The following ATP13A4 variants were observed in gnomAD, a reference collection of about 807,000 sequenced individuals.
ATP13A4 encodes ATPase 13A4, also known as probable cation-transporting ATPase 13A4.
Under a neutral mutation model 142.5 loss-of-function variants are expected in ATP13A4, and 114 were observed. That is an observed-to-expected ratio of 0.80 (90% CI 0.69 to 0.93). The LOEUF is 0.93. Among genes scored for constraint, ATP13A4 ranks in the 40% least tolerant of loss-of-function variants. The probability of loss-of-function intolerance (pLI) is 0.00; values close to 1 mark genes in which losing one functional copy is unlikely to be tolerated. For synonymous variants in ATP13A4, 488 were observed against 514.8 expected (o/e 0.95, Z 0.70); for missense variants, 1,392 against 1,454.0 (o/e 0.96, Z 0.69).
chr3:193,457,075 C>T lies in ATP13A4; in HGVS notation c.1840G>A (p.Glu614Lys). ...ALQRMTVIVQ[E>K]MGGDRLAFMK... ...AATGCCAGTCGGTCACCTCCCATCT[C>T]TTGGACAATGACTGTCATTCTTTGC... Residue 614 changes from glutamate (E) to lysine (K), a missense_variant, in exon 16 of 30, where the codon GAG becomes AAG. Glu to Lys is a moderately conservative substitution (Grantham distance 56). Coordinates refer to ENST00000342695, the MANE Select transcript of ATP13A4 (RefSeq NM_032279.4). 1 of 1,614,090 alleles carries T rather than the reference C, an allele frequency of 6.2e-7. No homozygotes were observed. The highest frequency in any genetic ancestry group is 1.1e-5 in the South Asian group (1 of 91,076).
intron 8 of ATP13A4, among the ~76,000 whole-genome samples, chr3:193,480,592 C>A (rs954043527): frequency 6.6e-5 from 10 of 152,154 alleles, no homozygotes; most frequent in African/African-American, 2.2e-4. Context: ...CACCTTACTC[C>A]TGCAAGAACG....
chr3:193,496,354 G>T (rs1042385967), intron 3 of ATP13A4, among the ~76,000 whole-genome samples: 6 of 152,168 alleles, frequency 3.9e-5, no homozygotes, highest in Non-Finnish European at 8.8e-5. Flanking sequence ...AAACAGCATG[G>T]TGCTGGCAGA....
intron 3 of ATP13A4, among the ~76,000 whole-genome samples, chr3:193,493,794 G>A (rs747635101): frequency 3.9e-4 from 59 of 152,048 alleles, no homozygotes; most frequent in Non-Finnish European, 7.5e-4. Context: ...AGATAATGAG[G>A]CTACATAAGT....
intron 11 of ATP13A4, 38 bp from the exon 12 acceptor site, chr3:193,465,166 C>T (rs772272325): frequency 1.2e-6 from 2 of 1,600,376 alleles, no homozygotes; most frequent in Non-Finnish European, 1.7e-6. Context: ...ACAGACAAAT[C>T]TCTGATGAAC....
intron 1 of ATP13A4, among the ~76,000 whole-genome samples, chr3:193,585,398 C>A (rs1436130192): frequency 1.3e-5 from 2 of 152,038 alleles, no homozygotes; most frequent in Admixed American, 1.3e-4. Context: ...CCAGCCTGGG[C>A]AACAAGAGCA....
chr3:193,410,775 A>G (rs1015735740), intron 28 of ATP13A4, among the ~76,000 whole-genome samples: 1 of 152,226 alleles, frequency 6.6e-6, no homozygotes, highest in African/African-American at 2.4e-5. Context: ...GCTGTCTTTA[A>G]TCTCATGAAA....
At position 193,438,552 on chromosome 3, in the gene ATP13A4, T is replaced by C; in HGVS notation, c.2595A>G (p.Leu865=). 1 of 1,614,186 alleles carries C rather than the reference T, an allele frequency of 6.2e-7. No homozygotes were observed. The highest frequency in any genetic ancestry group is 1.3e-5 in the African/African-American group (1 of 75,054). ...AGGCCACAGATGCCTCCTGCTCTGA[T>C]AATGAGATGCCCACATGAGCCATTT... ...ALKMAHVGIS[L]SEQEASVASP... The change falls in exon 23 of 30, where the codon TTA becomes TTG. Residue 865 remains leucine, a synonymous_variant. Coordinates refer to ENST00000342695, the MANE Select transcript of ATP13A4 (RefSeq NM_032279.4).
At chr3:193,555,788 A>T (rs191512790), upstream of ATP13A4, among the ~76,000 whole-genome samples, 1 of 152,206 alleles carries the variant, frequency 6.6e-6, no homozygotes, top group Non-Finnish European at 1.5e-5. Flanking sequence ...AGAAGTCCCA[A>T]TGTGGTGTAG....
At chr3:193,570,200 C>T (rs908594972) in intron 2 of ATP13A4, among the ~76,000 whole-genome samples, 1 of 152,070 alleles carries the variant, frequency 6.6e-6, no homozygotes, top group African/African-American at 2.4e-5. Context: ...GTAATTCCGG[C>T]TACTCAGGAG....
intron 1 of ATP13A4, among the ~76,000 whole-genome samples, chr3:193,524,359 G>C (rs754890893): frequency 2.0e-5 from 3 of 152,170 alleles, no homozygotes; most frequent in Non-Finnish European, 4.4e-5. Flanking sequence ...CACTAACTCT[G>C]AGTAGTTAAT....
At chr3:193,413,001 C>T (rs1160097132) in intron 26 of ATP13A4, among the ~76,000 whole-genome samples, 1 of 152,134 alleles carries the variant, frequency 6.6e-6, no homozygotes, top group Non-Finnish European at 1.5e-5. Context: ...CCACCCTGGG[C>T]AACAGAGAGA....
At chr3:193,451,318 T>C (rs915284052) in intron 17 of ATP13A4, among the ~76,000 whole-genome samples, 47 of 152,242 alleles carry the variant, frequency 3.1e-4, no homozygotes, top group Admixed American at 2.7e-3. Flanking sequence ...ACATCTGCCA[T>C]AGCCTATAGC....
chr3:193,470,858 C>T lies in ATP13A4; in HGVS notation c.943+1G>A, dbSNP rs1420972468. On this transcript the variant is annotated splice_donor_variant, in intron 9 of 29. Transcript: ENST00000342695. LOFTEE classifies it high-confidence loss of function. ...TGTCAGCTGTGGAGATGGAACTGTA[C>T]CTGTCAGCATGCCTTCATCCACCAC... The T allele has an allele frequency of 6.2e-7, 1 of 1,614,018 alleles. No homozygotes were observed. The highest frequency in any genetic ancestry group is 1.3e-5 in the African/African-American group (1 of 75,036).
chr3:193,575,716 A>C (rs1324223152), intron 2 of ATP13A4, among the ~76,000 whole-genome samples: 1 of 152,184 alleles, frequency 6.6e-6, no homozygotes, highest in Admixed American at 6.5e-5. Flanking sequence ...TTTCTCCAAA[A>C]TTTCCACAAA....
intron 19 of ATP13A4, 85 bp downstream of exon 19, chr3:193,442,308 A>C: frequency 7.3e-7 from 1 of 1,376,618 alleles, no homozygotes; most frequent in South Asian, 1.2e-5. Flanking sequence ...TTGGAAGCAT[A>C]TGTTGACTCT....
intron 1 of ATP13A4, among the ~76,000 whole-genome samples, chr3:193,532,576 T>C (rs571651863): frequency 6.6e-4 from 101 of 151,992 alleles, no homozygotes; most frequent in African/African-American, 2.4e-3. Flanking sequence ...AAGGGCATTC[T>C]TGTACAAAAT....
At chr3:193,466,880 T>TTA (rs1191606720) in intron 10 of ATP13A4, among the ~76,000 whole-genome samples, 5 of 152,120 alleles carry the variant, frequency 3.3e-5, no homozygotes, top group East Asian at 1.9e-4. Flanking sequence ...ATATATGGAT[T>TTA]TATATATATA....
rs1716695908 is a variant in ATP13A4, at chr3:193,442,387, G to A, written c.2316+6C>T. 1 of 1,613,054 alleles carries A rather than the reference G, an allele frequency of 6.2e-7. No individual in the cohort carries two copies. The highest frequency in any genetic ancestry group is 8.5e-7 in the Non-Finnish European group (1 of 1,179,180). ...AATGTGGCAGAAGGTCTGTGTTCAGGAGTACCTGATTCCCATACATAATGT... is the reference window on the plus strand; with the variant it reads ...AATGTGGCAGAAGGTCTGTGTTCAGAAGTACCTGATTCCCATACATAATGT... On this transcript the variant is annotated splice_donor_region_variant and intron_variant, in intron 19 of 29. Transcript: ENST00000342695.
chr3:193,456,463 T>C (rs1027503893), intron 16 of ATP13A4, among the ~76,000 whole-genome samples: 10 of 152,158 alleles, frequency 6.6e-5, no homozygotes, highest in Admixed American at 6.5e-5. Flanking sequence ...AAGCACAGGA[T>C]GAGGAGTGGT....
Sources: gnomAD v4.1 joint callset for allele counts (sites outside exome capture counted in the v4.1 genomes callset) on GRCh38, gnomAD v4.1.1 for gene constraint, MANE v1.5 for transcripts, NCBI Gene and HGNC (gene_info 2026-07-23, HGNC 2026-07-21) for gene names.